The following PTPRT variants were observed in gnomAD, a reference collection of about 807,000 sequenced individuals.
The protein encoded by PTPRT is protein tyrosine phosphatase receptor type T.
In PTPRT, 56 loss-of-function variants were observed where a neutral mutation model predicts 176.8. The ratio of observed to expected loss-of-function variants is 0.32; its 90% CI spans 0.26 to 0.40. The LOEUF (loss-of-function observed/expected upper bound fraction) is 0.40, where lower values mean the gene tolerates loss of function less well. PTPRT is among the 10% of genes least tolerant of loss of function. The probability of loss-of-function intolerance (pLI) is 1.00; values close to 1 mark genes in which losing one functional copy is unlikely to be tolerated. For synonymous variants in PTPRT, 783 were observed against 739.0 expected (o/e 1.06, Z -0.96); for missense variants, 1,540 against 1,908.2 (o/e 0.81, Z 3.60).
chr20:42,662,132 C>T (rs1482576137), intron 7 of PTPRT, among the ~76,000 whole-genome samples: 1 of 152,208 alleles, frequency 6.6e-6, no homozygotes, highest in African/African-American at 2.4e-5. Flanking sequence ...AGATAGCATA[C>T]TGTCCTCTTA....
chr20:42,986,892 TCTC>T (rs1322287142), intron 1 of PTPRT, among the ~76,000 whole-genome samples: 1 of 152,104 alleles, frequency 6.6e-6, no homozygotes, highest in African/African-American at 2.4e-5. Context: ...GGGGACAGAC[TCTC>T]CTCTGGGAGA....
At chr20:42,486,945 T>C (rs2071474014) in intron 7 of PTPRT, among the ~76,000 whole-genome samples, 1 of 151,998 alleles carries the variant, frequency 6.6e-6, no homozygotes, top group Non-Finnish European at 1.5e-5. Context: ...CGTCCCACAG[T>C]TGGAAAGGGT....
chr20:42,659,028 G>T (rs2075175889), intron 7 of PTPRT, among the ~76,000 whole-genome samples: 1 of 152,028 alleles, frequency 6.6e-6, no homozygotes, highest in African/African-American at 2.4e-5. Context: ...TGGGGTTCAT[G>T]GTTTCTTTTT....
chr20:42,420,453 C>T (rs538703530), intron 9 of PTPRT, among the ~76,000 whole-genome samples: 2 of 152,158 alleles, frequency 1.3e-5, no homozygotes, highest in African/African-American at 4.8e-5. Flanking sequence ...GTTAGAAAAC[C>T]CGGAGAGAGA....
At chr20:42,602,206 T>C (rs1295334303) in intron 7 of PTPRT, among the ~76,000 whole-genome samples, 1 of 152,194 alleles carries the variant, frequency 6.6e-6, no homozygotes, top group Non-Finnish European at 1.5e-5. Flanking sequence ...TCTCTGCTTT[T>C]AAAGTTTATG....
At chr20:43,133,451 G>A (rs2013709077) in intron 1 of PTPRT, among the ~76,000 whole-genome samples, 1 of 152,138 alleles carries the variant, frequency 6.6e-6, no homozygotes, top group Non-Finnish European at 1.5e-5. Flanking sequence ...GTTGTTAAAA[G>A]CATTAGAGTG....
At chr20:42,318,395 A>G (rs1300877770) in intron 11 of PTPRT, among the ~76,000 whole-genome samples, 1 of 152,156 alleles carries the variant, frequency 6.6e-6, no homozygotes, top group Admixed American at 6.5e-5. Context: ...TATAAATAAC[A>G]ATATATTCAG....
At position 42,898,120 on chromosome 20, in the gene PTPRT, G is replaced by A. The variant is rs568124131; in HGVS notation, c.89-12188C>T. Among the ~76,000 whole-genome samples the A allele has an allele frequency of 7.9e-5, 12 of 152,272 alleles. No individual in the cohort carries two copies. In the East Asian group the frequency reaches 2.1e-3, roughly 27 times the overall value. On this transcript the variant is annotated intron_variant, in intron 1 of 30. Coordinates refer to ENST00000373187, the MANE Select transcript of PTPRT (RefSeq NM_007050.6). ...CCAGCTTCTGTCACCCCTTACTACTGTGTGACTTTGAATAAGTCATGTAGA... is the reference window on the plus strand; with the variant it reads ...CCAGCTTCTGTCACCCCTTACTACTATGTGACTTTGAATAAGTCATGTAGA...
chr20:42,189,402 C>A lies in PTPRT; in HGVS notation c.2491+9838G>T, dbSNP rs893144628. 5.3e-5 allele frequency among the ~76,000 whole-genome samples: 8 copies of A among 152,226 alleles called. No homozygotes were observed. In the South Asian group the frequency reaches 1.7e-3, roughly 32 times the overall value. On this transcript the variant is annotated intron_variant, in intron 16 of 30. Transcript: ENST00000373187. ...TTTATCACATTTATTGAAACTAATC[C>A]ACTTACAACTCTCCTCTTAGAGGAC...
intron 16 of PTPRT, among the ~76,000 whole-genome samples, chr20:42,184,575 T>TCTTCTTCTTCTTCTTCTTCTTCTG (rs1990675103): frequency 3.6e-5 from 5 of 138,970 alleles, no homozygotes; most frequent in Admixed American, 1.5e-4. Context: ...TTCTTCTTCT[T>TCTTCTTCTTCTTCTTCTTCTTCTG]CTTCTTCTTC....
At chr20:42,576,059 G>A (rs1476534883) in intron 7 of PTPRT, among the ~76,000 whole-genome samples, 2 of 152,152 alleles carry the variant, frequency 1.3e-5, no homozygotes, top group African/African-American at 4.8e-5. Flanking sequence ...ACTCAGGACC[G>A]CTAGGAAATC....
chr20:42,444,580 A>G (rs766300324), intron 9 of PTPRT, among the ~76,000 whole-genome samples: 3 of 152,148 alleles, frequency 2.0e-5, no homozygotes, highest in Admixed American at 2.0e-4. Context: ...TAGTTATAGT[A>G]ATGAAACTTC....
At chr20:42,680,329 C>T (rs1312563997) in intron 6 of PTPRT, among the ~76,000 whole-genome samples, 1 of 152,182 alleles carries the variant, frequency 6.6e-6, no homozygotes, top group Admixed American at 6.5e-5. Context: ...GCAGATTAGT[C>T]AAGCTAGATG....
intron 1 of PTPRT, among the ~76,000 whole-genome samples, chr20:43,184,219 T>G (rs1175755758): frequency 1.3e-5 from 2 of 152,232 alleles, no homozygotes; most frequent in Non-Finnish European, 2.9e-5. Context: ...CACACGCACT[T>G]TAGCAGCCTG....
At chr20:42,627,168 T>C (rs558008620) in intron 7 of PTPRT, among the ~76,000 whole-genome samples, 1 of 152,350 alleles carries the variant, frequency 6.6e-6, no homozygotes, top group East Asian at 1.9e-4. Context: ...GCTTAAAGTC[T>C]CATAAAATTC....
At chr20:42,437,539 C>T (rs2059273046) in intron 9 of PTPRT, among the ~76,000 whole-genome samples, 2 of 152,046 alleles carry the variant, frequency 1.3e-5, no homozygotes, top group Non-Finnish European at 2.9e-5. Context: ...CTTGAAGGAC[C>T]CTGGAGACAT....
intron 11 of PTPRT, among the ~76,000 whole-genome samples, chr20:42,341,920 C>G (rs1010908760): frequency 1.3e-5 from 2 of 152,140 alleles, no homozygotes; most frequent in Admixed American, 1.3e-4. Flanking sequence ...TTGGTTGGAG[C>G]CTAAGTAATA....
At chr20:42,115,964 TCGA>T in intron 21 of PTPRT, 1 of 706,968 alleles carries the variant, frequency 1.4e-6, no homozygotes, top group Non-Finnish European at 2.6e-6. Flanking sequence ...CATTCCCCAG[TCGA>T]CTGTTTAAGT....
chr20:42,396,801 G>C (rs62203467), intron 9 of PTPRT, among the ~76,000 whole-genome samples: 32,409 of 152,056 alleles, frequency 0.21, 3,851 homozygotes, highest in African/African-American at 0.32. Flanking sequence ...ATGGTTATCT[G>C]CCCACCTTGG....
Sources: gnomAD v4.1 joint callset for allele counts (sites outside exome capture counted in the v4.1 genomes callset) on GRCh38, gnomAD v4.1.1 for gene constraint, MANE v1.5 for transcripts, NCBI Gene and HGNC (gene_info 2026-07-23, HGNC 2026-07-21) for gene names.